The following NAB1 variants were observed in gnomAD, a reference collection of about 807,000 sequenced individuals.
NAB1 encodes NGFI-A binding protein 1, also known as NGFI-A-binding protein 1.
A neutral mutation model predicts 49.9 loss-of-function variants in NAB1; 25 were observed. The observed-to-expected ratio is 0.50, with a 90% confidence interval of 0.37 to 0.70. NAB1 has a LOEUF of 0.70. Among genes scored for constraint, NAB1 ranks in the 30% least tolerant of loss-of-function variants. The pLI is 0.00. For missense variants in NAB1, 489 were observed against 575.9 expected (o/e 0.85, Z 1.54); for synonymous variants, 198 against 215.6 (o/e 0.92, Z 0.71).
In NAB1 at chr2:190,670,051, G is replaced by A. The variant is rs147218359; in HGVS notation, c.820-275G>A. Among the ~76,000 whole-genome samples the A allele has an allele frequency of 3.0e-3, 460 of 151,612 alleles. 8 individuals are homozygous for A. The highest frequency in any genetic ancestry group is 0.011 in the African/African-American group (436 of 41,288). On this transcript the variant is annotated intron_variant, in intron 4 of 9. Transcript: ENST00000337386. The surrounding 1 kb of genome is among the most constrained non-coding windows in gnomAD (Gnocchi z 5.3). ...TTTTTTACTTTTTATTTTCCTTGTC[G>A]TCTATAAACTCTCCTATCTAACCAA... is the stretch of plus-strand genomic sequence containing the variant.
Position 190,690,486 on chromosome 2 carries a change from C to A in NAB1, c.*153C>A. 1 of 558,882 alleles carries A rather than the reference C, an allele frequency of 1.8e-6. No individual in the cohort carries two copies. Among genetic ancestry groups the A allele is most frequent in the Non-Finnish European group, 3.2e-6 (1 of 315,838 alleles). The allele number at this position is 558,882 out of a possible 1,614,324, so 34.6% of individuals were successfully genotyped here. A position where few individuals can be genotyped will look rare whatever the true frequency, so the allele number is the denominator to read the frequency against. The stretch of plus-strand genomic sequence containing the variant: ...GGACTGGTACGGTAGTCTGTGGAAA[C>A]CAGGAAGATAAAACAACAGCCACAA... On this transcript the variant is annotated 3_prime_UTR_variant, in exon 10 of 10. Coordinates refer to ENST00000337386, the MANE Select transcript of NAB1 (RefSeq NM_005966.4).
At chr2:190,683,297 ATTTTTTTTTTT>A (rs767640681) in intron 6 of NAB1, among the ~76,000 whole-genome samples, 8 of 76,136 alleles carry the variant, frequency 1.1e-4, no homozygotes, top group Admixed American at 9.0e-4. Context: ...CTCCCAGCTA[ATTTTTTTTTTT>A]TTTTTTTTTT....
In NAB1 at chr2:190,680,626, A is replaced by G. The variant is rs1233083996; in HGVS notation, c.1006-3112A>G. 1.3e-5 allele frequency among the ~76,000 whole-genome samples: 2 copies of G among 152,250 alleles called. No homozygotes were observed. Among genetic ancestry groups the G allele is most frequent in the African/African-American group, 4.8e-5 (2 of 41,458 alleles). The stretch of plus-strand genomic sequence containing the variant: ...TGGATGCGACATTTTTGTTGAATGT[A>G]TAAACACATGTTTCTAGATTTCCAG... On this transcript the variant is annotated intron_variant, in intron 6 of 9. Transcript: ENST00000337386. The surrounding 1 kb of genome is among the most constrained non-coding windows in gnomAD (Gnocchi z 5.2).
rs1026894490 is a variant in NAB1, at chr2:190,657,133, C to G, written c.-20+980C>G. On this transcript the variant is annotated intron_variant, in intron 3 of 9. Transcript: ENST00000337386. This position sits in a 1 kb window ranked among gnomAD's most constrained non-coding sequence, Gnocchi z 4.4. ...AATGTCCTTTCTTCCACCTCCAACA[C>G]TTTATAGCAGCCCTTCTATTTGGTA... is the stretch of plus-strand genomic sequence containing the variant. Among the ~76,000 whole-genome samples, 1 of 152,132 alleles carries G rather than the reference C, an allele frequency of 6.6e-6. No individual in the cohort carries two copies. The highest frequency in any genetic ancestry group is 2.4e-5 in the African/African-American group (1 of 41,418).
chr2:190,660,741 C>G (rs1694179796), intron 4 of NAB1, among the ~76,000 whole-genome samples: 1 of 151,996 alleles, frequency 6.6e-6, no homozygotes, highest in Admixed American at 6.5e-5. Flanking sequence ...CATTTTTATC[C>G]CTACATATAC....
chr2:190,659,763 C>G lies in NAB1; in HGVS notation c.587C>G (p.Ala196Gly). The G allele has an allele frequency of 6.2e-7, 1 of 1,614,066 alleles. No homozygotes were observed. Among genetic ancestry groups the G allele is most frequent in the South Asian group, 1.1e-5 (1 of 91,066 alleles). ...AGTGAGGCGCTGGATGCTGCTGCTG[C>G]GCTCTCTGTGGCTGAGTGTGTGGAG... ...ESSEALDAAA[A>G]LSVAECVERM... Residue 196 changes from alanine (A) to glycine (G), a missense_variant, in exon 4 of 10, where the codon GCG becomes GGG. Ala to Gly is a moderately conservative substitution (Grantham distance 60). Transcript: ENST00000337386. The surrounding 1 kb of genome is among the most constrained non-coding windows in gnomAD (Gnocchi z 6.2).
chr2:190,691,752 G>T lies in NAB1; in HGVS notation c.*1419G>T, dbSNP rs1476731103. 1 of 152,144 alleles carries T rather than the reference G, an allele frequency of 6.6e-6. No homozygotes were observed. The highest frequency in any genetic ancestry group is 1.9e-4 in the East Asian group (1 of 5,198). The allele number at this position is 152,144 out of a possible 1,614,324, so 9.4% of individuals were successfully genotyped here. On this transcript the variant is annotated 3_prime_UTR_variant, in exon 10 of 10. Transcript: ENST00000337386. The surrounding 1 kb of genome is among the most constrained non-coding windows in gnomAD (Gnocchi z 4.1). Reference sequence around the variant, plus strand: ...TGAGAAGAGTGTATTGACTCTGAGTGTAAGAGAGTATGTGTTTTTTTGTTT... The same window carrying T: ...TGAGAAGAGTGTATTGACTCTGAGTTTAAGAGAGTATGTGTTTTTTTGTTT...
rs556042048 is a variant in NAB1, at chr2:190,676,685, A to G, written c.1005+3533A>G. ...GCAACAGAGCACAACCTTGTCTCAA[A>G]CAAAGGAAAAAAAGTTTTTAAGTAA... On this transcript the variant is annotated intron_variant, in intron 6 of 9. Coordinates refer to ENST00000337386, the MANE Select transcript of NAB1 (RefSeq NM_005966.4). The surrounding 1 kb of genome is among the most constrained non-coding windows in gnomAD (Gnocchi z 4.6). Among the ~76,000 whole-genome samples the G allele has an allele frequency of 3.9e-5, 6 of 152,348 alleles. No homozygotes were observed. Among genetic ancestry groups the G allele is most frequent in the African/African-American group, 7.2e-5 (3 of 41,588 alleles).
At position 190,682,938 on chromosome 2, in the gene NAB1, T is replaced by C. The variant is rs142548286; in HGVS notation, c.1006-800T>C. Among the ~76,000 whole-genome samples, 81 of 152,312 alleles carry C rather than the reference T, an allele frequency of 5.3e-4. No homozygotes were observed. The highest frequency in any genetic ancestry group is 8.5e-4 in the Non-Finnish European group (58 of 68,030). On this transcript the variant is annotated intron_variant, in intron 6 of 9. Coordinates refer to ENST00000337386, the MANE Select transcript of NAB1 (RefSeq NM_005966.4). The surrounding 1 kb of genome is among the most constrained non-coding windows in gnomAD (Gnocchi z 4.1). The stretch of plus-strand genomic sequence containing the variant: ...CAGTAATTCTGCTTCTGGGAATCTT[T>C]TGTAGTAGATAATCTAAGCTATCGA...
At chr2:190,662,557 A>G (rs1441346687) in intron 4 of NAB1, among the ~76,000 whole-genome samples, 1 of 152,210 alleles carries the variant, frequency 6.6e-6, no homozygotes, top group Non-Finnish European at 1.5e-5. Context: ...GATATCAGAA[A>G]AAAGCCAGCA....
In NAB1 at chr2:190,659,516, T is replaced by G; in HGVS notation, c.340T>G (p.Tyr114Asp). ...ATGGCTGGGAATATCCTGCAGTAGTTATGAAAGGAGTAGCAATGCCCGGGA... is the reference window on the plus strand; with the variant it reads ...ATGGCTGGGAATATCCTGCAGTAGTGATGAAAGGAGTAGCAATGCCCGGGA... ...PTWLGISCSS[Y>D]ERSSNAREPH... The change falls in exon 4 of 10, where the codon TAT (tyrosine) becomes GAT (aspartate). Residue 114 changes from tyrosine (Y) to aspartate (D), a missense_variant. Physicochemically the swap from Tyr to Asp is radical, Grantham distance 160 (BLOSUM62 -3). Coordinates refer to ENST00000337386, the MANE Select transcript of NAB1 (RefSeq NM_005966.4). This position sits in a 1 kb window ranked among gnomAD's most constrained non-coding sequence, Gnocchi z 6.2. 1 of 1,614,144 alleles carries G rather than the reference T, an allele frequency of 6.2e-7. No individual in the cohort carries two copies. The highest frequency in any genetic ancestry group is 8.5e-7 in the Non-Finnish European group (1 of 1,180,016).
At chr2:190,658,778 A>G (rs189541742) in intron 3 of NAB1, among the ~76,000 whole-genome samples, 23 of 152,352 alleles carry the variant, frequency 1.5e-4, no homozygotes, top group Non-Finnish European at 2.1e-4. Context: ...TATTCAGCAA[A>G]TGGTTAGCAT....
rs1693539942 is a variant in NAB1, at chr2:190,649,553, C to G, written c.-334+193C>G. On this transcript the variant is annotated intron_variant, in intron 1 of 9. Transcript: ENST00000337386. The surrounding 1 kb of genome is among the most constrained non-coding windows in gnomAD (Gnocchi z 6.1). ...GAGGGCGGCCCCGGGCTCGTGTGGG[C>G]GATTCCCGGAGACATTCTGTGTGCC... 1 of 151,992 alleles carries G rather than the reference C, an allele frequency of 6.6e-6. No homozygotes were observed. Among genetic ancestry groups the G allele is most frequent in the Non-Finnish European group, 1.5e-5 (1 of 68,022 alleles). The allele number at this position is 151,992 out of a possible 1,614,324, so 9.4% of individuals were successfully genotyped here.
At position 190,690,305 on chromosome 2, in the gene NAB1, TC is replaced by T; in HGVS notation, c.1437del (p.Thr481GlnfsTer33). 1 of 1,612,444 alleles carries T rather than the reference TC, an allele frequency of 6.2e-7. No individual in the cohort carries two copies. Among genetic ancestry groups the T allele is most frequent in the Non-Finnish European group, 8.5e-7 (1 of 1,179,018 alleles). On this transcript the variant is annotated frameshift_variant, in exon 10 of 10. Coordinates refer to ENST00000337386, the MANE Select transcript of NAB1 (RefSeq NM_005966.4). LOFTEE classifies it high-confidence loss of function. Reference protein sequence around the residue: ...HSAFTLEKKVIKTEPEDSR With the variant: ...HSAFTLEKKVXKTEPEDSR ...GCTTTTACCTTAGAAAAGAAAGTCATCAAAACAGAGCCTGAAGATTCAAGAT... is the reference window on the plus strand; with the variant it reads ...GCTTTTACCTTAGAAAAGAAAGTCATAAAACAGAGCCTGAAGATTCAAGAT...
At chr2:190,660,123 G>A (rs1319786851) in intron 4 of NAB1, 128 bp downstream of exon 4, 2 of 778,508 alleles carry the variant, frequency 2.6e-6, no homozygotes, top group Non-Finnish European at 4.1e-6. Flanking sequence ...ACATTGAGGT[G>A]TTAGCAACAT....
chr2:190,653,192 T>C (rs1693755232), intron 2 of NAB1, among the ~76,000 whole-genome samples: 1 of 152,230 alleles, frequency 6.6e-6, no homozygotes, highest in South Asian at 2.1e-4. Context: ...CTTCAAGCTA[T>C]ACTCTCCTGA....
intron 6 of NAB1, 47 bp downstream of exon 6, chr2:190,673,199 G>A (rs1694906480): frequency 6.3e-7 from 1 of 1,582,580 alleles, no homozygotes; most frequent in Non-Finnish European, 8.7e-7. Flanking sequence ...GTTTGCTTTT[G>A]TTTTAAGATC....
chr2:190,650,195 G>A (rs1462493089), intron 2 of NAB1, among the ~76,000 whole-genome samples: 2 of 152,182 alleles, frequency 1.3e-5, no homozygotes, highest in Non-Finnish European at 2.9e-5. Flanking sequence ...GGGAGGAATC[G>A]TAGACTTGCA....
At position 190,674,273 on chromosome 2, in the gene NAB1, G is replaced by A. The variant is rs1037998178; in HGVS notation, c.1005+1121G>A. ...TGCTGCCACACTCTCCATTCTTACTGTGTTCCAGCCGCACTGACTGACTTT... is the reference window on the plus strand; with the variant it reads ...TGCTGCCACACTCTCCATTCTTACTATGTTCCAGCCGCACTGACTGACTTT... On this transcript the variant is annotated intron_variant, in intron 6 of 9. Transcript: ENST00000337386. The surrounding 1 kb of genome is among the most constrained non-coding windows in gnomAD (Gnocchi z 5.7). Among the ~76,000 whole-genome samples, 13 of 152,048 alleles carry A rather than the reference G, an allele frequency of 8.5e-5. No individual in the cohort carries two copies. Among genetic ancestry groups the A allele is most frequent in the Non-Finnish European group, 1.5e-5 (1 of 68,028 alleles).
Sources: allele counts gnomAD v4.1 joint callset (sites outside exome capture counted in the v4.1 genomes callset), GRCh38; gene constraint gnomAD v4.1.1; non-coding constraint Gnocchi (gnomAD v3.1); transcripts MANE v1.5; gene names NCBI Gene and HGNC (gene_info 2026-07-23, HGNC 2026-07-21).